The following TLX2 variants were observed in gnomAD, a reference collection of about 807,000 sequenced individuals.
TLX2 encodes T-cell leukemia homeobox protein 2.
TLX2 carries 15 observed loss-of-function variants against 21.7 expected under a neutral mutation model. The ratio of observed to expected loss-of-function variants is 0.69; its 90% CI spans 0.46 to 1.07. The LOEUF is 1.07. Among genes scored for constraint, TLX2 ranks in the 50% least tolerant of loss-of-function variants. The pLI is 0.00. For missense variants in TLX2, 384 were observed against 409.1 expected (o/e 0.94, Z 0.53); for synonymous variants, 213 against 193.1 (o/e 1.10, Z -0.85).
rs2104327962 is a variant in TLX2 at position 74,516,005 on chromosome 2, G to T, written c.671G>T (p.Arg224Leu). ...RQTAEEREAERHRAGRLLLHL... is the reference protein window; with the variant it reads ...RQTAEEREAELHRAGRLLLHL... ...ACGGCGGAGGAGCGCGAGGCCGAGC[G>T]GCACCGCGCGGGCCGGCTGCTCCTG... The change falls in exon 3 of 3, where the codon CGG (arginine) becomes CTG (leucine). Residue 224 changes from arginine (R) to leucine (L), a missense_variant. By Grantham distance (102) the Arg-to-Leu change is moderately radical (BLOSUM62 -2). Transcript: ENST00000233638. The T allele has an allele frequency of 4.0e-6, 6 of 1,507,478 alleles. 1 individual carries two copies. In the East Asian group the frequency reaches 1.6e-4, roughly 39 times the overall value. The allele number at this position is 1,507,478 out of a possible 1,614,324, so 93.4% of individuals were successfully genotyped here. A position where few individuals can be genotyped will look rare whatever the true frequency, so the allele number is the denominator to read the frequency against.
Position 74,516,184 on chromosome 2 carries a change from G to A in TLX2, c.850G>A (p.Val284Met), listed in dbSNP as rs1360419485. Residue 284 changes from valine to methionine, a missense_variant, in exon 3 of 3, where the codon GTG (valine) becomes ATG (methionine). Physicochemically the swap from Val to Met is conservative, Grantham distance 21. Transcript: ENST00000233638. ...TTCAGTGTCCGGGCTCGCCTCGGTG[G>A]TGTGAGCGACGCCCGTCCGATCGGC... is the stretch of plus-strand genomic sequence containing the variant. ...VASVSGLASV[V>M] 1 of 1,608,986 alleles carries A rather than the reference G, an allele frequency of 6.2e-7. No homozygotes were observed. Among genetic ancestry groups the A allele is most frequent in the East Asian group, 2.2e-5 (1 of 44,724 alleles).
rs371816740 is a variant in TLX2, at chr2:74,516,003, G to C, written c.669G>C (p.Glu223Asp). The change falls in exon 3 of 3, where the codon GAG becomes GAC. Residue 223 changes from glutamate (E) to aspartate (D), a missense_variant. Coordinates refer to ENST00000233638, the MANE Select transcript of TLX2 (RefSeq NM_016170.5). The stretch of plus-strand genomic sequence containing the variant: ...AGACGGCGGAGGAGCGCGAGGCCGA[G>C]CGGCACCGCGCGGGCCGGCTGCTCC... ...RRQTAEEREA[E>D]RHRAGRLLLH... 4.7e-6 allele frequency: 7 copies of C among 1,505,096 alleles called. No homozygotes were observed. The highest frequency in any genetic ancestry group is 6.2e-6 in the Non-Finnish European group (7 of 1,136,438). The allele number at this position is 1,505,096 out of a possible 1,614,324, so 93.2% of individuals were successfully genotyped here.
At position 74,515,907 on chromosome 2, in the gene TLX2, C is replaced by T. The variant is rs1364670866; in HGVS notation, c.638+37C>T. On this transcript the variant is annotated intron_variant, in intron 2 of 2. Coordinates refer to ENST00000233638, the MANE Select transcript of TLX2 (RefSeq NM_016170.5). This position sits in a 1 kb window ranked among gnomAD's most constrained non-coding sequence, Gnocchi z 6.6. The stretch of plus-strand genomic sequence containing the variant: ...CGCGGGCGAGGGCGGACTGGGGTTC[C>T]CGAGCAGGGCCTGGTGAGAAGCGAC... 1.3e-6 allele frequency: 2 copies of T among 1,578,776 alleles called. No individual in the cohort carries two copies. The highest frequency in any genetic ancestry group is 2.7e-5 in the African/African-American group (2 of 73,792).
In TLX2 at chr2:74,514,640, G is replaced by A; in HGVS notation, c.-167G>A. The A allele has an allele frequency of 2.1e-6, 3 of 1,438,706 alleles. No homozygotes were observed. The highest frequency in any genetic ancestry group is 2.7e-6 in the Non-Finnish European group (3 of 1,102,520). 89.1% of individuals were successfully genotyped at this position (1,438,706 alleles called of 1,614,324 possible). On this transcript the variant is annotated 5_prime_UTR_variant, in exon 1 of 3. Coordinates refer to ENST00000233638, the MANE Select transcript of TLX2 (RefSeq NM_016170.5). The surrounding 1 kb of genome is among the most constrained non-coding windows in gnomAD (Gnocchi z 5.0). ...CGGCTGGCACGGGCGCGGCTGCTCC[G>A]GGTGCACAGGGATGCTGCTGTTTCG...
At position 74,516,079 on chromosome 2, in the gene TLX2, C is replaced by A; in HGVS notation, c.745C>A (p.Pro249Thr). The change falls in exon 3 of 3, where the codon CCG becomes ACG. Residue 249 changes from proline to threonine, a missense_variant. Transcript: ENST00000233638. ...ACGGCCGCTGCGGCCGCCGCTGCCC[C>A]CGGACCCTCTCTGCCTGCACAACTC... ...LPRPLRPPLP[P>T]DPLCLHNSSL... 3 of 1,601,954 alleles carry A rather than the reference C, an allele frequency of 1.9e-6. No homozygotes were observed. Among genetic ancestry groups the A allele is most frequent in the Non-Finnish European group, 1.7e-6 (2 of 1,177,076 alleles).
rs749378097 is a variant in TLX2 at position 74,516,056 on chromosome 2, GGCCGCTGCGGCC to G, written c.731_742del (p.Arg244_Leu247del). On this transcript the variant is annotated inframe_deletion, in exon 3 of 3. Transcript: ENST00000233638. ...CATCTGCAGCAGGACGCGTTGCCACGGCCGCTGCGGCCGCCGCTGCCCCCGGACCCTCTCTGC... is the reference window on the plus strand; with the variant it reads ...CATCTGCAGCAGGACGCGTTGCCACGGCCGCTGCCCCCGGACCCTCTCTGC... 2.5e-6 allele frequency: 4 copies of G among 1,583,162 alleles called. No individual in the cohort carries two copies. The highest frequency in any genetic ancestry group is 2.3e-5 in the South Asian group (2 of 87,938).
Position 74,515,883 on chromosome 2 carries a change from G to C in TLX2, c.638+13G>C. The stretch of plus-strand genomic sequence containing the variant: ...GCACCAAGTGGCGGTGAGGCGCGGC[G>C]CGGGCGAGGGCGGACTGGGGTTCCC... On this transcript the variant is annotated intron_variant, in intron 2 of 2. Transcript: ENST00000233638. The surrounding 1 kb of genome is among the most constrained non-coding windows in gnomAD (Gnocchi z 6.6). 6.3e-7 allele frequency: 1 copy of C among 1,597,152 alleles called. No individual in the cohort carries two copies. Among genetic ancestry groups the C allele is most frequent in the Non-Finnish European group, 8.5e-7 (1 of 1,170,396 alleles).
chr2:74,516,274 G>A lies in TLX2; in HGVS notation c.*85G>A, dbSNP rs1466077108. On this transcript the variant is annotated 3_prime_UTR_variant, in exon 3 of 3. Transcript: ENST00000233638. Reference sequence around the variant, plus strand: ...CTGCGTCCATGGTCTAGTGGCAGCCGGGCGCGTGAGGAGCGGCAGGCCTTG... The same window carrying A: ...CTGCGTCCATGGTCTAGTGGCAGCCAGGCGCGTGAGGAGCGGCAGGCCTTG... 6.5e-7 allele frequency: 1 copy of A among 1,536,602 alleles called. No individual in the cohort carries two copies. Among genetic ancestry groups the A allele is most frequent in the Non-Finnish European group, 8.7e-7 (1 of 1,146,198 alleles).
At position 74,516,334 on chromosome 2, in the gene TLX2, G is replaced by C. The variant is rs1674885630; in HGVS notation, c.*145G>C. On this transcript the variant is annotated 3_prime_UTR_variant, in exon 3 of 3. Transcript: ENST00000233638. ...TCGAGGGCTCCTCCACCACCGGCCG[G>C]CTCCCAAGCCAGCGTTGCGCAGATG... 1 of 1,523,324 alleles carries C rather than the reference G, an allele frequency of 6.6e-7. No homozygotes were observed. Among genetic ancestry groups the C allele is most frequent in the Non-Finnish European group, 8.8e-7 (1 of 1,140,856 alleles). The allele number at this position is 1,523,324 out of a possible 1,614,324, so 94.4% of individuals were successfully genotyped here. A position where few individuals can be genotyped will look rare whatever the true frequency, so the allele number is the denominator to read the frequency against.
rs1674832130 is a variant in TLX2 at position 74,514,608 on chromosome 2, C to G, written c.-199C>G. ...GGGATGCAAGTCCCTGCGCTGACGC[C>G]CGGCAGCGGCTGGCACGGGCGCGGC... On this transcript the variant is annotated 5_prime_UTR_variant, in exon 1 of 3. Transcript: ENST00000233638. This position sits in a 1 kb window ranked among gnomAD's most constrained non-coding sequence, Gnocchi z 5.0. 4 of 1,417,780 alleles carry G rather than the reference C, an allele frequency of 2.8e-6. No individual in the cohort carries two copies. The highest frequency in any genetic ancestry group is 3.7e-6 in the Non-Finnish European group (4 of 1,093,856). 87.8% of individuals were successfully genotyped at this position (1,417,780 alleles called of 1,614,324 possible).
chr2:74,515,296 T>A lies in TLX2; in HGVS notation c.400+90T>A. ...TTCTGCTCCAACTCAAGGACCCCTT[T>A]CACACCTCCCACTAGATCCTCCCAG... is the stretch of plus-strand genomic sequence containing the variant. On this transcript the variant is annotated intron_variant, in intron 1 of 2. Transcript: ENST00000233638. The surrounding 1 kb of genome is among the most constrained non-coding windows in gnomAD (Gnocchi z 6.6). 3.3e-6 allele frequency: 5 copies of A among 1,531,536 alleles called. 1 individual carries two copies. In the South Asian group the frequency reaches 6.0e-5, roughly 18 times the overall value. The allele number at this position is 1,531,536 out of a possible 1,614,324, so 94.9% of individuals were successfully genotyped here.
chr2:74,514,576 C>G lies in TLX2; in HGVS notation c.-231C>G. ...GCTCCAGGGGCCCCAGCTGGCCGTG[C>G]TCCCCCGGGATGCAAGTCCCTGCGC... On this transcript the variant is annotated 5_prime_UTR_variant, in exon 1 of 3. Coordinates refer to ENST00000233638, the MANE Select transcript of TLX2 (RefSeq NM_016170.5). The surrounding 1 kb of genome is among the most constrained non-coding windows in gnomAD (Gnocchi z 5.0). The G allele has an allele frequency of 7.1e-7, 1 of 1,402,616 alleles. No individual in the cohort carries two copies. Among genetic ancestry groups the G allele is most frequent in the South Asian group, 1.5e-5 (1 of 65,064 alleles). The allele number at this position is 1,402,616 out of a possible 1,614,324, so 86.9% of individuals were successfully genotyped here.
chr2:74,516,231 G>T lies in TLX2; in HGVS notation c.*42G>T. ...CGGCGTGGAGCGCCGGGCCCGGAGCGGTGGAGCGCGCGGCTGCCTGCGTCC... is the reference window on the plus strand; with the variant it reads ...CGGCGTGGAGCGCCGGGCCCGGAGCTGTGGAGCGCGCGGCTGCCTGCGTCC... On this transcript the variant is annotated 3_prime_UTR_variant, in exon 3 of 3. Transcript: ENST00000233638. 1 of 1,583,996 alleles carries T rather than the reference G, an allele frequency of 6.3e-7. No individual in the cohort carries two copies. The highest frequency in any genetic ancestry group is 8.6e-7 in the Non-Finnish European group (1 of 1,167,706).
In TLX2 at chr2:74,516,424, G is replaced by A. The variant is rs1674888347; in HGVS notation, c.*235G>A. On this transcript the variant is annotated 3_prime_UTR_variant, in exon 3 of 3. Transcript: ENST00000233638. ...CTTCACTGCCGTTACGCCCTCGCTG[G>A]AACCTGAGGCGCCGAGAGGGCGGGA... 1.4e-6 allele frequency: 2 copies of A among 1,409,252 alleles called. No homozygotes were observed. The highest frequency in any genetic ancestry group is 1.9e-6 in the Non-Finnish European group (2 of 1,079,982). The allele number at this position is 1,409,252 out of a possible 1,614,324, so 87.3% of individuals were successfully genotyped here. A position where few individuals can be genotyped will look rare whatever the true frequency, so the allele number is the denominator to read the frequency against.
Position 74,515,570 on chromosome 2 carries a change from C to A in TLX2, c.401-63C>A. 1 of 1,494,442 alleles carries A rather than the reference C, an allele frequency of 6.7e-7. No individual in the cohort carries two copies. The highest frequency in any genetic ancestry group is 9.1e-7 in the Non-Finnish European group (1 of 1,094,976). The allele number at this position is 1,494,442 out of a possible 1,614,324, so 92.6% of individuals were successfully genotyped here. A position where few individuals can be genotyped will look rare whatever the true frequency, so the allele number is the denominator to read the frequency against. On this transcript the variant is annotated intron_variant, in intron 1 of 2. Coordinates refer to ENST00000233638, the MANE Select transcript of TLX2 (RefSeq NM_016170.5). The surrounding 1 kb of genome is among the most constrained non-coding windows in gnomAD (Gnocchi z 6.6). ...TTCTGCGGCCTGGACAGCCGCGCGGCCTTCTCAGTGGCACCTCGGGCCACC... is the reference window on the plus strand; with the variant it reads ...TTCTGCGGCCTGGACAGCCGCGCGGACTTCTCAGTGGCACCTCGGGCCACC...
rs1050707195 is a variant in TLX2 at position 74,516,059 on chromosome 2, C to T, written c.725C>T (p.Pro242Leu). ...CTGCAGCAGGACGCGTTGCCACGGC[C>T]GCTGCGGCCGCCGCTGCCCCCGGAC... ...LHLQQDALPR[P>L]LRPPLPPDPL... The change falls in exon 3 of 3, where the codon CCG (proline) becomes CTG (leucine). Residue 242 changes from proline to leucine, a missense_variant. Transcript: ENST00000233638. 3.2e-6 allele frequency: 5 copies of T among 1,585,276 alleles called. No homozygotes were observed. In the Admixed American group the frequency reaches 5.2e-5, roughly 16 times the overall value.
rs752123622 is a variant in TLX2, at chr2:74,514,797, G to A, written c.-10G>A. The A allele has an allele frequency of 1.2e-6, 2 of 1,612,368 alleles. No individual in the cohort carries two copies. The highest frequency in any genetic ancestry group is 1.7e-5 in the Admixed American group (1 of 59,994). On this transcript the variant is annotated 5_prime_UTR_variant, in exon 1 of 3. Coordinates refer to ENST00000233638, the MANE Select transcript of TLX2 (RefSeq NM_016170.5). This position sits in a 1 kb window ranked among gnomAD's most constrained non-coding sequence, Gnocchi z 5.0. ...ACCGAACCTCCGGCGGTTCTCCTCG[G>A]CCCAGACCGATGGAGCCGGGGATGC...
rs1674886194 is a variant in TLX2 at position 74,516,351 on chromosome 2, G to T, written c.*162G>T. 1 of 1,520,216 alleles carries T rather than the reference G, an allele frequency of 6.6e-7. No homozygotes were observed. Among genetic ancestry groups the T allele is most frequent in the Admixed American group, 2.0e-5 (1 of 49,680 alleles). The allele number at this position is 1,520,216 out of a possible 1,614,324, so 94.2% of individuals were successfully genotyped here. A position where few individuals can be genotyped will look rare whatever the true frequency, so the allele number is the denominator to read the frequency against. On this transcript the variant is annotated 3_prime_UTR_variant, in exon 3 of 3. Coordinates refer to ENST00000233638, the MANE Select transcript of TLX2 (RefSeq NM_016170.5). The stretch of plus-strand genomic sequence containing the variant: ...ACCGGCCGGCTCCCAAGCCAGCGTT[G>T]CGCAGATGCACGGCCAGCTCAGAGG...
In TLX2 at chr2:74,516,476, C is replaced by A; in HGVS notation, c.*287C>A. 2.3e-6 allele frequency: 3 copies of A among 1,301,022 alleles called. No individual in the cohort carries two copies. 80.6% of individuals were successfully genotyped at this position (1,301,022 alleles called of 1,614,324 possible). On this transcript the variant is annotated 3_prime_UTR_variant, in exon 3 of 3. Coordinates refer to ENST00000233638, the MANE Select transcript of TLX2 (RefSeq NM_016170.5). ...CTGCAGGACAGTAGCCAATGAGGTG[C>A]GGGGAGGGGGCCGGGCTGGCCAATG...
Sources: allele counts gnomAD v4.1 joint callset, GRCh38; gene constraint gnomAD v4.1.1; non-coding constraint Gnocchi (gnomAD v3.1); transcripts MANE v1.5; gene names NCBI Gene and HGNC (gene_info 2026-07-23, HGNC 2026-07-21).